SLC6A3: variants seen among roughly 807,000 people sequenced by gnomAD.
SLC6A3 encodes sodium-dependent dopamine transporter.
SLC6A3 carries 19 observed loss-of-function variants against 70.4 expected under a neutral mutation model. The ratio of observed to expected loss-of-function variants is 0.27; its 90% CI spans 0.19 to 0.40. SLC6A3 has a LOEUF of 0.40. Ranked by LOEUF, SLC6A3 falls within the 10% of genes least tolerant of loss-of-function variation. The pLI is 1.00. For synonymous variants in SLC6A3, 368 were observed against 356.6 expected (o/e 1.03, Z -0.36); for missense variants, 613 against 838.5 (o/e 0.73, Z 3.32).
Position 1,414,779 on chromosome 5 carries a change from C to G in SLC6A3, c.1068G>C (p.Thr356=). 1.2e-6 allele frequency: 2 copies of G among 1,612,836 alleles called. No homozygotes were observed. The highest frequency in any genetic ancestry group is 2.2e-5 in the South Asian group (2 of 91,082). Residue 356 remains threonine, a synonymous_variant, in exon 8 of 15, where the codon ACG becomes ACC. Transcript: ENST00000270349. ...AGACGACGAAGCCGGAGGAGAAGCT[C>G]GTCAGGGAGTTGATGGAGGTGGTGA... ...AIVTTSINSL[T]SFSSGFVVFS...
intron 6 of SLC6A3, among the ~76,000 whole-genome samples, chr5:1,420,101 G>A (rs1314198224): frequency 2.0e-5 from 3 of 152,176 alleles, no homozygotes; most frequent in Non-Finnish European, 2.9e-5. Context: ...GCCCCTGGGC[G>A]GCTTTGGGGC....
In SLC6A3 at chr5:1,394,563, G is replaced by C. The variant is rs773145021; in HGVS notation, c.*172C>G. The C allele has an allele frequency of 8.0e-6, 6 of 746,808 alleles. No homozygotes were observed. The highest frequency in any genetic ancestry group is 1.5e-5 in the Non-Finnish European group (6 of 412,746). The allele number at this position is 746,808 out of a possible 1,614,324, so 46.3% of individuals were successfully genotyped here. ...ACACGGCGAGGTGCGCTCCCGGCAC[G>C]GAAAGGTGTAAACAGTCAGAAGAGA... On this transcript the variant is annotated 3_prime_UTR_variant, in exon 15 of 15. Transcript: ENST00000270349. This position sits in a 1 kb window ranked among gnomAD's most constrained non-coding sequence, Gnocchi z 4.7.
intron 4 of SLC6A3, among the ~76,000 whole-genome samples, chr5:1,426,025 T>C (rs991176667): frequency 3.3e-5 from 5 of 152,296 alleles, no homozygotes; most frequent in African/African-American, 1.2e-4. Flanking sequence ...AAGTAAGTGT[T>C]GTCAAGGATG....
At position 1,432,539 on chromosome 5, in the gene SLC6A3, T is replaced by G. The variant is rs1338860924; in HGVS notation, c.578A>C (p.His193Pro). 6 of 1,614,208 alleles carry G rather than the reference T, an allele frequency of 3.7e-6. No individual in the cohort carries two copies. Among genetic ancestry groups the G allele is most frequent in the African/African-American group, 1.3e-5 (1 of 75,060 alleles). The change falls in exon 4 of 15, where the codon CAT becomes CCT. Residue 193 changes from histidine (H) to proline (P), a missense_variant. His to Pro is a moderately conservative substitution (Grantham distance 77, BLOSUM62 -2). Coordinates refer to ENST00000270349, the MANE Select transcript of SLC6A3 (RefSeq NM_001044.5). Reference sequence around the variant, plus strand: ...GCTGTCTCCACTGGAGTCACCAGGATGGGCATCCGAGCAGTTGGGGCTGTT... The same window carrying G: ...GCTGTCTCCACTGGAGTCACCAGGAGGGGCATCCGAGCAGTTGGGGCTGTT... ...SWNSPNCSDA[H>P]PGDSSGDSSG...
In SLC6A3 at chr5:1,437,143, C is replaced by T. The variant is rs929800421; in HGVS notation, c.418+4216G>A. Among the ~76,000 whole-genome samples, 3 of 151,592 alleles carry T rather than the reference C, an allele frequency of 2.0e-5. No homozygotes were observed. Among genetic ancestry groups the T allele is most frequent in the Non-Finnish European group, 2.9e-5 (2 of 67,924 alleles). On this transcript the variant is annotated intron_variant, in intron 3 of 14. Transcript: ENST00000270349. This position sits in a 1 kb window ranked among gnomAD's most constrained non-coding sequence, Gnocchi z 4.8. The stretch of plus-strand genomic sequence containing the variant: ...GCACGCACCTGTAGCCCCAGCTACT[C>T]GGGAGGCTGGGGCAGGAGAATCGCT...
In SLC6A3 at chr5:1,413,593, C is replaced by G. The variant is rs1432283713; in HGVS notation, c.1156+1098G>C. On this transcript the variant is annotated intron_variant, in intron 8 of 14. Coordinates refer to ENST00000270349, the MANE Select transcript of SLC6A3 (RefSeq NM_001044.5). The surrounding 1 kb of genome is among the most constrained non-coding windows in gnomAD (Gnocchi z 7.1). ...CAATCATTCCTCACAAATGTAGTGC[C>G]CCCACCCCACCCCCGGAGAAGACAG... 6.6e-6 allele frequency among the ~76,000 whole-genome samples: 1 copy of G among 152,154 alleles called. No individual in the cohort carries two copies. The highest frequency in any genetic ancestry group is 2.4e-5 in the African/African-American group (1 of 41,424).
At position 1,408,986 on chromosome 5, in the gene SLC6A3, A is replaced by G. The variant is rs1560909582; in HGVS notation, c.1498+40T>C. 1 of 1,417,942 alleles carries G rather than the reference A, an allele frequency of 7.1e-7. No homozygotes were observed. Among genetic ancestry groups the G allele is most frequent in the East Asian group, 2.3e-5 (1 of 43,930 alleles). The allele number at this position is 1,417,942 out of a possible 1,614,324, so 87.8% of individuals were successfully genotyped here. ...AGAAGGGGAGTGGCACAGCCACCAA[A>G]CAAGAGGGTGCCGGCTTGGCTGCCT... On this transcript the variant is annotated intron_variant, in intron 11 of 14. Transcript: ENST00000270349. This position sits in a 1 kb window ranked among gnomAD's most constrained non-coding sequence, Gnocchi z 6.4.
intron 3 of SLC6A3, among the ~76,000 whole-genome samples, chr5:1,440,315 C>T (rs1390419531): frequency 6.7e-6 from 1 of 149,864 alleles, no homozygotes; most frequent in Non-Finnish European, 1.5e-5. Context: ...ATAGATGGAT[C>T]GATAGGTAGA....
At position 1,443,240 on chromosome 5, in the gene SLC6A3, G is replaced by T; in HGVS notation, c.-43C>A. On this transcript the variant is annotated splice_region_variant and 5_prime_UTR_variant, in exon 2 of 15. Transcript: ENST00000270349. ...AGGAATTCTGTGCTTCTTCCCTCTT[G>T]GTCTTCAGCCAATATGAAAAATAAA... 3 of 1,604,468 alleles carry T rather than the reference G, an allele frequency of 1.9e-6. No homozygotes were observed. The highest frequency in any genetic ancestry group is 1.1e-5 in the South Asian group (1 of 90,898).
At position 1,397,151 on chromosome 5, in the gene SLC6A3, C is replaced by T. The variant is rs560998658; in HGVS notation, c.1840-2393G>A. ...CTGGGGCAAAGTGGACACACCAGAGCCTCATAATGGAAAACACAGAAAGGC... is the reference window on the plus strand; with the variant it reads ...CTGGGGCAAAGTGGACACACCAGAGTCTCATAATGGAAAACACAGAAAGGC... On this transcript the variant is annotated intron_variant, in intron 14 of 14. Coordinates refer to ENST00000270349, the MANE Select transcript of SLC6A3 (RefSeq NM_001044.5). This position sits in a 1 kb window ranked among gnomAD's most constrained non-coding sequence, Gnocchi z 4.7. Among the ~76,000 whole-genome samples the T allele has an allele frequency of 6.6e-6, 1 of 152,320 alleles. No individual in the cohort carries two copies. The highest frequency in any genetic ancestry group is 2.1e-4 in the South Asian group (1 of 4,830).
In SLC6A3 at chr5:1,443,008, C is replaced by T; in HGVS notation, c.190G>A (p.Gly64Ser). The change falls in exon 2 of 15, where the codon GGC becomes AGC. Residue 64 changes from glycine (G) to serine (S), a missense_variant. Transcript: ENST00000270349. ...PVEAQDRETW[G>S]KKIDFLLSVI... ...GACAGGAGAAAGTCGATCTTCTTGC[C>T]CCAGGTCTCCCGATCCTGGGCCTCC... 5 of 1,614,198 alleles carry T rather than the reference C, an allele frequency of 3.1e-6. No individual in the cohort carries two copies. The highest frequency in any genetic ancestry group is 4.2e-6 in the Non-Finnish European group (5 of 1,180,040).
rs1579696563 is a variant in SLC6A3 at position 1,396,529 on chromosome 5, G to A, written c.1840-1771C>T. ...CGCTGGAAAGGAGAGCGAGGGAAAC[G>A]GAGGTGGCTGCAGTTTGCAGGCCAG... On this transcript the variant is annotated intron_variant, in intron 14 of 14. Coordinates refer to ENST00000270349, the MANE Select transcript of SLC6A3 (RefSeq NM_001044.5). This position sits in a 1 kb window ranked among gnomAD's most constrained non-coding sequence, Gnocchi z 7.0. 6.6e-6 allele frequency among the ~76,000 whole-genome samples: 1 copy of A among 152,236 alleles called. No homozygotes were observed. The highest frequency in any genetic ancestry group is 2.4e-5 in the African/African-American group (1 of 41,470).
At chr5:1,441,585 T>G in intron 2 of SLC6A3, 95 bp from the exon 3 acceptor site, 1 of 1,436,276 alleles carries the variant, frequency 7.0e-7, no homozygotes, top group Non-Finnish European at 9.5e-7. Flanking sequence ...ACCATCCATG[T>G]CCTGGCCCGA....
At chr5:1,440,860 C>T (rs374837207) in intron 3 of SLC6A3, among the ~76,000 whole-genome samples, 2 of 152,178 alleles carry the variant, frequency 1.3e-5, no homozygotes, top group African/African-American at 2.4e-5. Flanking sequence ...AGACAATAAA[C>T]GTGTGCCTTT....
chr5:1,422,098 C>A, intron 4 of SLC6A3, 84 bp from the exon 5 acceptor site: 1 of 1,417,480 alleles, frequency 7.1e-7, no homozygotes, highest in Non-Finnish European at 9.8e-7. Context: ...CGGGGACCTG[C>A]CCTCCCCATC....
rs1733694307 is a variant in SLC6A3, at chr5:1,442,308, C to T, written c.286+604G>A. On this transcript the variant is annotated intron_variant, in intron 2 of 14. Transcript: ENST00000270349. The surrounding 1 kb of genome is among the most constrained non-coding windows in gnomAD (Gnocchi z 5.0). ...GCTTCCCCCCAGATTCTTCCCCAGGCCTCCCTTCCCAGACCTAGCATAGAG... is the reference window on the plus strand; with the variant it reads ...GCTTCCCCCCAGATTCTTCCCCAGGTCTCCCTTCCCAGACCTAGCATAGAG... Among the ~76,000 whole-genome samples the T allele has an allele frequency of 6.6e-6, 1 of 152,178 alleles. No individual in the cohort carries two copies. Among genetic ancestry groups the T allele is most frequent in the South Asian group, 2.1e-4 (1 of 4,830 alleles).
rs1486508177 is a variant in SLC6A3 at position 1,411,917 on chromosome 5, G to C, written c.1157-562C>G. Reference sequence around the variant, plus strand: ...ACATACCATGCAATATACACACACAGACACATGCGCGCACATGCACGAACA... The same window carrying C: ...ACATACCATGCAATATACACACACACACACATGCGCGCACATGCACGAACA... On this transcript the variant is annotated intron_variant, in intron 8 of 14. Coordinates refer to ENST00000270349, the MANE Select transcript of SLC6A3 (RefSeq NM_001044.5). The surrounding 1 kb of genome is among the most constrained non-coding windows in gnomAD (Gnocchi z 6.5). Among the ~76,000 whole-genome samples the C allele has an allele frequency of 1.3e-5, 2 of 151,836 alleles. No individual in the cohort carries two copies. The highest frequency in any genetic ancestry group is 4.8e-5 in the African/African-American group (2 of 41,288).
intron 4 of SLC6A3, among the ~76,000 whole-genome samples, chr5:1,432,123 G>T (rs2126393601): frequency 1.3e-5 from 2 of 152,294 alleles, no homozygotes; most frequent in South Asian, 4.1e-4. Flanking sequence ...CGCCACTGCA[G>T]CTCCCAGAGA....
rs372948416 is a variant in SLC6A3 at position 1,412,013 on chromosome 5, C to T, written c.1157-658G>A. ...GCACGCACACAAACAGAAACATGCA[C>T]GTGCATGCACAAACATACACAAACA... On this transcript the variant is annotated intron_variant, in intron 8 of 14. Coordinates refer to ENST00000270349, the MANE Select transcript of SLC6A3 (RefSeq NM_001044.5). 1.8e-3 allele frequency among the ~76,000 whole-genome samples: 111 copies of T among 62,334 alleles called. No individual in the cohort carries two copies. In the East Asian group the frequency reaches 0.043, roughly 24 times the overall value. The allele number at this position is 62,334 out of a possible 152,430, so 40.9% of individuals were successfully genotyped here. A position where few individuals can be genotyped will look rare whatever the true frequency, so the allele number is the denominator to read the frequency against.
Sources: gnomAD v4.1 joint callset for allele counts (sites outside exome capture counted in the v4.1 genomes callset) on GRCh38, gnomAD v4.1.1 for gene constraint, Gnocchi (gnomAD v3.1) non-coding constraint, MANE v1.5 for transcripts, NCBI Gene and HGNC (gene_info 2026-07-23, HGNC 2026-07-21) for gene names.